Variants in CKAP4 observed in about 807,000 individuals in gnomAD.
The protein encoded by CKAP4 is cytoskeleton-associated protein 4.
CKAP4 carries 20 observed loss-of-function variants against 24.4 expected under a neutral mutation model. The ratio of observed to expected loss-of-function variants is 0.82; its 90% CI spans 0.58 to 1.19. The LOEUF (loss-of-function observed/expected upper bound fraction) is 1.19, where lower values mean the gene tolerates loss of function less well. Among genes scored for constraint, CKAP4 ranks in the 50% most tolerant of loss-of-function variants. CKAP4 has a pLI of 0.00. For missense variants in CKAP4, 744 were observed against 765.3 expected, an observed-to-expected ratio of 0.97 and a Z score of 0.33; for synonymous variants, 378 against 351.7, an observed-to-expected ratio of 1.07 and a Z score of -0.84.
chr12:106,238,762 AC>A lies in CKAP4; in HGVS notation c.*261del, dbSNP rs2033935406. 1 of 453,176 alleles carries A rather than the reference AC, an allele frequency of 2.2e-6. No individual in the cohort carries two copies. Among genetic ancestry groups the A allele is most frequent in the Admixed American group, 3.7e-5 (1 of 27,176 alleles). The allele number at this position is 453,176 out of a possible 1,614,324, so 28.1% of individuals were successfully genotyped here. On this transcript the variant is annotated 3_prime_UTR_variant, in exon 2 of 2. Coordinates refer to ENST00000378026, the MANE Select transcript of CKAP4 (RefSeq NM_006825.4). ...TTTAAGCCTTTATCATTTTTCTCTGACTAGAGACATCCATGAAAAGCCACCT... is the reference window on the plus strand; with the variant it reads ...TTTAAGCCTTTATCATTTTTCTCTGATAGAGACATCCATGAAAAGCCACCT...
Position 106,238,758 on chromosome 12 carries a change from T to C in CKAP4, c.*266A>G, listed in dbSNP as rs1426150937. ...TCAATTTAAGCCTTTATCATTTTTC[T>C]CTGACTAGAGACATCCATGAAAAGC... On this transcript the variant is annotated 3_prime_UTR_variant, in exon 2 of 2. Transcript: ENST00000378026. 2.6e-6 allele frequency: 1 copy of C among 383,692 alleles called. No individual in the cohort carries two copies. The highest frequency in any genetic ancestry group is 4.7e-6 in the Non-Finnish European group (1 of 213,334). The allele number at this position is 383,692 out of a possible 1,614,324, so 23.8% of individuals were successfully genotyped here. A position where few individuals can be genotyped will look rare whatever the true frequency, so the allele number is the denominator to read the frequency against.
chr12:106,243,993 A>G (rs921873131), intron 1 of CKAP4, among the ~76,000 whole-genome samples: 3 of 152,162 alleles, frequency 2.0e-5, no homozygotes, highest in Non-Finnish European at 4.4e-5. Flanking sequence ...CTATGAACCA[A>G]ACTCCACCCC....
chr12:106,245,112 C>CCT (rs1403749371), intron 1 of CKAP4, among the ~76,000 whole-genome samples: 1 of 152,178 alleles, frequency 6.6e-6, no homozygotes, highest in Non-Finnish European at 1.5e-5. Context: ...GTAGCCACCT[C>CCT]CTCTCTCTCA....
chr12:106,247,231 G>A lies in CKAP4; in HGVS notation c.483+138C>T. 1.4e-6 allele frequency: 1 copy of A among 702,830 alleles called. No individual in the cohort carries two copies. The highest frequency in any genetic ancestry group is 2.2e-6 in the Non-Finnish European group (1 of 453,952). 43.5% of individuals were successfully genotyped at this position (702,830 alleles called of 1,614,324 possible). On this transcript the variant is annotated intron_variant, in intron 1 of 1. Coordinates refer to ENST00000378026, the MANE Select transcript of CKAP4 (RefSeq NM_006825.4). This position sits in a 1 kb window ranked among gnomAD's most constrained non-coding sequence, Gnocchi z 4.5. Reference sequence around the variant, plus strand: ...GAGTGGGATGTCTAGGCCAGGGCCCGCCAAGGAGGAGCGGCCGGCTCCCGC... The same window carrying A: ...GAGTGGGATGTCTAGGCCAGGGCCCACCAAGGAGGAGCGGCCGGCTCCCGC...
At position 106,240,205 on chromosome 12, in the gene CKAP4, C is replaced by G; in HGVS notation, c.628G>C (p.Glu210Gln). 6.2e-7 allele frequency: 1 copy of G among 1,614,178 alleles called. No individual in the cohort carries two copies. The highest frequency in any genetic ancestry group is 1.1e-5 in the South Asian group (1 of 91,076). ...ISEVLQKLQNEILKDLSDGIH... is the reference protein window; with the variant it reads ...ISEVLQKLQNQILKDLSDGIH... ...CCATCCGAGAGGTCTTTGAGAATCT[C>G]ATTCTGGAGTTTCTGCAGCACTTCG... The change falls in exon 2 of 2, where the codon GAG (glutamate) becomes CAG (glutamine). Residue 210 changes from glutamate (E) to glutamine (Q), a missense_variant. Coordinates refer to ENST00000378026, the MANE Select transcript of CKAP4 (RefSeq NM_006825.4).
intron 1 of CKAP4, among the ~76,000 whole-genome samples, chr12:106,240,887 AT>A (rs1201497490): frequency 6.6e-6 from 1 of 152,076 alleles, no homozygotes; most frequent in Non-Finnish European, 1.5e-5. Flanking sequence ...AATTTAGGAA[AT>A]TTTTCAATCA....
At position 106,239,141 on chromosome 12, in the gene CKAP4, C is replaced by A. The variant is rs1592896222; in HGVS notation, c.1692G>T (p.Ser564=). ...TGTTCTCGTTGGTTTCTATTTTGAC[C>A]GAGTATGCAACCAAACTGTCCACAG... is the stretch of plus-strand genomic sequence containing the variant. ...RTAVDSLVAY[S]VKIETNENNL... Residue 564 remains serine, a synonymous_variant, in exon 2 of 2, where the codon TCG becomes TCT. Coordinates refer to ENST00000378026, the MANE Select transcript of CKAP4 (RefSeq NM_006825.4). The surrounding 1 kb of genome is among the most constrained non-coding windows in gnomAD (Gnocchi z 4.9). 6.2e-7 allele frequency: 1 copy of A among 1,613,948 alleles called. No individual in the cohort carries two copies. The highest frequency in any genetic ancestry group is 8.5e-7 in the Non-Finnish European group (1 of 1,180,026).
chr12:106,239,356 C>G lies in CKAP4; in HGVS notation c.1477G>C (p.Val493Leu). 6.2e-7 allele frequency: 1 copy of G among 1,604,754 alleles called. No homozygotes were observed. Among genetic ancestry groups the G allele is most frequent in the South Asian group, 1.1e-5 (1 of 91,082 alleles). ...TCCACGGTGCTGGGGAGCTCGCCCA[C>G]ACTCCTCTTCAGCTCCTCCACGTCA... ...YGDVEELKRS[V>L]GELPSTVESL... Residue 493 changes from valine to leucine, a missense_variant, in exon 2 of 2, where the codon GTG becomes CTG. By Grantham distance (32) the Val-to-Leu change is conservative. Around this residue, in one of 3 missense-constraint regions of CKAP4, gnomAD observed 401 missense variants for 424.5 expected, o/e 0.94. Coordinates refer to ENST00000378026, the MANE Select transcript of CKAP4 (RefSeq NM_006825.4). This position sits in a 1 kb window ranked among gnomAD's most constrained non-coding sequence, Gnocchi z 4.9.
intron 1 of CKAP4, among the ~76,000 whole-genome samples, chr12:106,241,666 C>T (rs1382593294): frequency 6.6e-6 from 1 of 152,216 alleles, no homozygotes; most frequent in Admixed American, 6.5e-5. Flanking sequence ...TCACTATCCC[C>T]TGGATCTGCC....
chr12:106,242,344 T>C (rs998010176), intron 1 of CKAP4, among the ~76,000 whole-genome samples: 1 of 152,268 alleles, frequency 6.6e-6, no homozygotes, highest in African/African-American at 2.4e-5. Flanking sequence ...CCTAGAAATA[T>C]CCTCAACCCA....
At position 106,240,079 on chromosome 12, in the gene CKAP4, T is replaced by A. The variant is rs202223849; in HGVS notation, c.754A>T (p.Ile252Phe). Reference protein sequence around the residue: ...TELTKSINDNIAIFTEVQKRS... With the variant: ...TELTKSINDNFAIFTEVQKRS... ...TTCTGGACTTCTGTGAAGATGGCGA[T>A]GTTGTCGTTGATGGATTTGGTGAGC... The change falls in exon 2 of 2, where the codon ATC becomes TTC. Residue 252 changes from isoleucine to phenylalanine, a missense_variant. By Grantham distance (21) the Ile-to-Phe change is conservative. Coordinates refer to ENST00000378026, the MANE Select transcript of CKAP4 (RefSeq NM_006825.4). The A allele has an allele frequency of 5.0e-6, 8 of 1,614,058 alleles. No individual in the cohort carries two copies. The highest frequency in any genetic ancestry group is 2.2e-5 in the East Asian group (1 of 44,876).
Position 106,237,998 on chromosome 12 carries a change from T to A in CKAP4, c.*1026A>T. ...TTTTTTTTTTACTTTTCGGGTTTTT[T>A]TTTTTTTTTTTTTTTCAATTTTTTT... On this transcript the variant is annotated 3_prime_UTR_variant, in exon 2 of 2. Transcript: ENST00000378026. 7.0e-6 allele frequency: 1 copy of A among 143,080 alleles called. No homozygotes were observed. The highest frequency in any genetic ancestry group is 1.5e-5 in the Non-Finnish European group (1 of 66,360). The allele number at this position is 143,080 out of a possible 1,614,324, so 8.9% of individuals were successfully genotyped here.
Position 106,247,292 on chromosome 12 carries a change from G to A in CKAP4, c.483+77C>T, listed in dbSNP as rs1403624325. 2 of 1,336,804 alleles carry A rather than the reference G, an allele frequency of 1.5e-6. No homozygotes were observed. Among genetic ancestry groups the A allele is most frequent in the African/African-American group, 1.5e-5 (1 of 65,816 alleles). The allele number at this position is 1,336,804 out of a possible 1,614,324, so 82.8% of individuals were successfully genotyped here. Reference sequence around the variant, plus strand: ...GGGCAGGCAGCGCTAGGGGCCGGTCGGGAAGCACGAAGGAGCCCGGCCGTG... The same window carrying A: ...GGGCAGGCAGCGCTAGGGGCCGGTCAGGAAGCACGAAGGAGCCCGGCCGTG... On this transcript the variant is annotated intron_variant, in intron 1 of 1. Transcript: ENST00000378026. This position sits in a 1 kb window ranked among gnomAD's most constrained non-coding sequence, Gnocchi z 4.5.
intron 1 of CKAP4, chr12:106,246,926 T>C (rs1204378588): frequency 1.3e-5 from 2 of 159,182 alleles, no homozygotes; most frequent in South Asian, 1.8e-4. Context: ...AGAGCTGAGG[T>C]GGGGCCTTGC....
intron 1 of CKAP4, among the ~76,000 whole-genome samples, chr12:106,243,740 G>T (rs1592898054): frequency 6.6e-6 from 1 of 152,180 alleles, no homozygotes; most frequent in East Asian, 1.9e-4. Flanking sequence ...CCAATAACAA[G>T]AACATCTGGA....
chr12:106,238,285 T>C lies in CKAP4; in HGVS notation c.*739A>G, dbSNP rs2033927518. The C allele has an allele frequency of 6.5e-6, 1 of 152,746 alleles. No homozygotes were observed. Among genetic ancestry groups the C allele is most frequent in the African/African-American group, 2.4e-5 (1 of 41,448 alleles). 9.5% of individuals were successfully genotyped at this position (152,746 alleles called of 1,614,324 possible). On this transcript the variant is annotated 3_prime_UTR_variant, in exon 2 of 2. Coordinates refer to ENST00000378026, the MANE Select transcript of CKAP4 (RefSeq NM_006825.4). ...CTTTCTGGTAGTCGAAACCTGTGCA[T>C]TCCTTGGTGACCTCCGGAGAGAGAA...
rs572619681 is a variant in CKAP4 at position 106,247,569 on chromosome 12, AGGC to A, written c.280_282del (p.Ala94del). ...CTGCGCGAGCAGGACGCCGAGGACGAGGCGGCGGCGGCGGCAGCGGCGGCGGAG... is the reference window on the plus strand; with the variant it reads ...CTGCGCGAGCAGGACGCCGAGGACGAGGCGGCGGCGGCAGCGGCGGCGGAG... On this transcript the variant is annotated inframe_deletion, in exon 1 of 2. Transcript: ENST00000378026. This position sits in a 1 kb window ranked among gnomAD's most constrained non-coding sequence, Gnocchi z 4.5. 137 of 1,378,998 alleles carry A rather than the reference AGGC, an allele frequency of 9.9e-5. No homozygotes were observed. The highest frequency in any genetic ancestry group is 3.2e-4 in the South Asian group (23 of 71,578). The allele number at this position is 1,378,998 out of a possible 1,614,324, so 85.4% of individuals were successfully genotyped here.
chr12:106,243,478 C>G (rs2033983497), intron 1 of CKAP4, among the ~76,000 whole-genome samples: 2 of 152,152 alleles, frequency 1.3e-5, no homozygotes, highest in South Asian at 2.1e-4. Flanking sequence ...GAAATATGAC[C>G]AGGGAGCTCA....
At position 106,247,243 on chromosome 12, in the gene CKAP4, C is replaced by A. The variant is rs1045004344; in HGVS notation, c.483+126G>T. ...TAGGCCAGGGCCCGCCAAGGAGGAG[C>A]GGCCGGCTCCCGCCTCCGGGCCTGG... is the stretch of plus-strand genomic sequence containing the variant. On this transcript the variant is annotated intron_variant, in intron 1 of 1. Coordinates refer to ENST00000378026, the MANE Select transcript of CKAP4 (RefSeq NM_006825.4). The surrounding 1 kb of genome is among the most constrained non-coding windows in gnomAD (Gnocchi z 4.5). The A allele has an allele frequency of 2.9e-5, 23 of 790,110 alleles. No individual in the cohort carries two copies. The highest frequency in any genetic ancestry group is 4.1e-5 in the Non-Finnish European group (22 of 533,798). The allele number at this position is 790,110 out of a possible 1,614,324, so 48.9% of individuals were successfully genotyped here. A position where few individuals can be genotyped will look rare whatever the true frequency, so the allele number is the denominator to read the frequency against.
Sources: allele counts gnomAD v4.1 joint callset (sites outside exome capture counted in the v4.1 genomes callset), GRCh38; gene constraint gnomAD v4.1.1; regional missense constraint gnomAD v4.1.1; non-coding constraint Gnocchi (gnomAD v3.1); transcripts MANE v1.5; gene names NCBI Gene and HGNC (gene_info 2026-07-23, HGNC 2026-07-21).